Variants in TTL observed in about 807,000 individuals in gnomAD.
The protein encoded by TTL is tubulin--tyrosine ligase.
A neutral mutation model predicts 41.1 loss-of-function variants in TTL; 10 were observed. The observed-to-expected ratio is 0.24, with a 90% CI of 0.15 to 0.41. The LOEUF is 0.41. Among genes scored for constraint, TTL ranks in the 10% least tolerant of loss-of-function variants. The probability of loss-of-function intolerance (pLI) is 1.00; values close to 1 mark genes in which losing one functional copy is unlikely to be tolerated. For synonymous variants in TTL, 175 were observed against 175.5 expected, an observed-to-expected ratio of 1.00 and a Z score of 0.02; for missense variants, 367 against 460.4, an observed-to-expected ratio of 0.80 and a Z score of 1.86.
rs1339860572 is a variant in TTL at position 112,482,536 on chromosome 2, G to A, written c.157+35G>A. 5.1e-6 allele frequency: 8 copies of A among 1,564,488 alleles called. No homozygotes were observed. The Admixed American group carries it at 5.4e-5, about 11-fold the overall frequency. ...TCCCCGATTCCCGTCTGCCCTCCTCGGAGCGGCCCTGCGCGCCTCCCGCGG... is the reference window on the plus strand; with the variant it reads ...TCCCCGATTCCCGTCTGCCCTCCTCAGAGCGGCCCTGCGCGCCTCCCGCGG... On this transcript the variant is annotated intron_variant, in intron 1 of 6. Transcript: ENST00000233336. The surrounding 1 kb of genome is among the most constrained non-coding windows in gnomAD (Gnocchi z 5.3).
intron 2 of TTL, 94 bp from the exon 3 acceptor site, chr2:112,494,049 C>T (rs1681462250): frequency 3.3e-6 from 3 of 904,728 alleles, no homozygotes; most frequent in African/African-American, 3.3e-5. Context: ...TGCTTTGCCT[C>T]CCGGAAAGTC....
rs1313704959 is a variant in TTL at position 112,482,786 on chromosome 2, G to T, written c.157+285G>T. On this transcript the variant is annotated intron_variant, in intron 1 of 6. Coordinates refer to ENST00000233336, the MANE Select transcript of TTL (RefSeq NM_153712.5). The surrounding 1 kb of genome is among the most constrained non-coding windows in gnomAD (Gnocchi z 5.3). ...CAGCCCGGGAGACGCTGGCCGCCGG[G>T]GCTGGGACCTGAGGCGCGAGTCTAG... 6.6e-6 allele frequency among the ~76,000 whole-genome samples: 1 copy of T among 152,250 alleles called. No individual in the cohort carries two copies. Among genetic ancestry groups the T allele is most frequent in the African/African-American group, 2.4e-5 (1 of 41,474 alleles).
chr2:112,532,053 A>G lies in TTL; in HGVS notation c.*3258A>G, dbSNP rs1682521140. On this transcript the variant is annotated 3_prime_UTR_variant, in exon 7 of 7. Coordinates refer to ENST00000233336, the MANE Select transcript of TTL (RefSeq NM_153712.5). ...GGTGCTGACATAGGTACCAGCTGAC[A>G]TGATGTGTCACTAGCTCTGTGGGAT... 2 of 228,178 alleles carry G rather than the reference A, an allele frequency of 8.8e-6. No individual in the cohort carries two copies. Among genetic ancestry groups the G allele is most frequent in the African/African-American group, 4.4e-5 (2 of 45,158 alleles). The allele number at this position is 228,178 out of a possible 1,614,324, so 14.1% of individuals were successfully genotyped here.
In TTL at chr2:112,535,328, A is replaced by G. The variant is rs1472649926; in HGVS notation, c.*6533A>G. 6.6e-6 allele frequency: 1 copy of G among 152,152 alleles called. No individual in the cohort carries two copies. Among genetic ancestry groups the G allele is most frequent in the Admixed American group, 6.6e-5 (1 of 15,266 alleles). 9.4% of individuals were successfully genotyped at this position (152,152 alleles called of 1,614,324 possible). A position where few individuals can be genotyped will look rare whatever the true frequency, so the allele number is the denominator to read the frequency against. ...CCGTCAGACACCATCAAACATACCA[A>G]CATACACATAATAGGAGTCCTAGAA... On this transcript the variant is annotated 3_prime_UTR_variant, in exon 7 of 7. Coordinates refer to ENST00000233336, the MANE Select transcript of TTL (RefSeq NM_153712.5).
In TTL at chr2:112,537,893, C is replaced by T. The variant is rs1015976327; in HGVS notation, c.*9098C>T. The stretch of plus-strand genomic sequence containing the variant: ...ACTTGACAAATATCTACAAGGCACT[C>T]CACCCAACAGCAGCAAAATACACAT... On this transcript the variant is annotated 3_prime_UTR_variant, in exon 7 of 7. Transcript: ENST00000233336. 3 of 152,300 alleles carry T rather than the reference C, an allele frequency of 2.0e-5. No individual in the cohort carries two copies. Among genetic ancestry groups the T allele is most frequent in the Non-Finnish European group, 2.9e-5 (2 of 68,044 alleles). 9.4% of individuals were successfully genotyped at this position (152,300 alleles called of 1,614,324 possible).
intron 5 of TTL, among the ~76,000 whole-genome samples, chr2:112,509,597 C>T (rs972080826): frequency 6.6e-6 from 1 of 152,128 alleles, no homozygotes; most frequent in African/African-American, 2.4e-5. Context: ...TCTGTCACCC[C>T]TTTCTTTGAC....
chr2:112,484,847 ATTCT>A (rs1197808594), intron 1 of TTL, among the ~76,000 whole-genome samples: 1 of 152,182 alleles, frequency 6.6e-6, no homozygotes, highest in Non-Finnish European at 1.5e-5. Context: ...CAGAGAAATT[ATTCT>A]TTCTTCTGGC....
intron 1 of TTL, 57 bp from the exon 2 acceptor site, chr2:112,485,860 C>T (rs1681226168): frequency 3.5e-6 from 5 of 1,440,890 alleles, no homozygotes; most frequent in Non-Finnish European, 9.4e-7. Context: ...ACACAGCTGT[C>T]CTCTCTCCTG....
Position 112,531,414 on chromosome 2 carries a change from GCCTGA to G in TTL, c.*2622_*2626del. 4.4e-6 allele frequency: 1 copy of G among 229,120 alleles called. No individual in the cohort carries two copies. The highest frequency in any genetic ancestry group is 8.7e-6 in the Non-Finnish European group (1 of 115,294). The allele number at this position is 229,120 out of a possible 1,614,324, so 14.2% of individuals were successfully genotyped here. A position where few individuals can be genotyped will look rare whatever the true frequency, so the allele number is the denominator to read the frequency against. On this transcript the variant is annotated 3_prime_UTR_variant, in exon 7 of 7. Transcript: ENST00000233336. Reference sequence around the variant, plus strand: ...TTCTTAGCCCATGAAAGAGATCATTGCCTGACCCAGGGACTACCTCAAGGGCTTTT... The same window carrying G: ...TTCTTAGCCCATGAAAGAGATCATTGCCCAGGGACTACCTCAAGGGCTTTT...
At position 112,494,424 on chromosome 2, in the gene TTL, G is replaced by T. The variant is rs754186254; in HGVS notation, c.469+49G>T. ...TCTCTATTCCTGGTAAGTTGCTATT[G>T]TGATGTATTTAGATGAATGACCCTA... On this transcript the variant is annotated intron_variant, in intron 3 of 6. Transcript: ENST00000233336. 11 of 1,443,616 alleles carry T rather than the reference G, an allele frequency of 7.6e-6. No individual in the cohort carries two copies. In the South Asian group the frequency reaches 9.8e-5, roughly 13 times the overall value. 89.4% of individuals were successfully genotyped at this position (1,443,616 alleles called of 1,614,324 possible).
intron 2 of TTL, 126 bp downstream of exon 2, chr2:112,486,121 C>T: frequency 1.1e-6 from 1 of 918,712 alleles, no homozygotes; most frequent in East Asian, 2.7e-5. Flanking sequence ...TCAGAAGCTT[C>T]CTCTAAGCCG....
chr2:112,520,509 TTGAC>T, intron 6 of TTL, 84 bp downstream of exon 6: 1 of 1,540,986 alleles, frequency 6.5e-7, no homozygotes, highest in Non-Finnish European at 8.8e-7. Context: ...TGTAGTCACT[TTGAC>T]TGCTGTGAGG....
Position 112,529,484 on chromosome 2 carries a change from G to C in TTL, c.*689G>C, listed in dbSNP as rs1422701189. On this transcript the variant is annotated 3_prime_UTR_variant, in exon 7 of 7. Transcript: ENST00000233336. ...CTGTAAGCATCAAATAAGCATGAGA[G>C]AGAAAAAAACATGATATATTGCTTT... 2 of 227,770 alleles carry C rather than the reference G, an allele frequency of 8.8e-6. No individual in the cohort carries two copies. Among genetic ancestry groups the C allele is most frequent in the African/African-American group, 4.4e-5 (2 of 45,078 alleles). The allele number at this position is 227,770 out of a possible 1,614,324, so 14.1% of individuals were successfully genotyped here.
intron 5 of TTL, among the ~76,000 whole-genome samples, chr2:112,518,955 G>A (rs56010201): frequency 0.41 from 61,945 of 151,848 alleles, 12,881 homozygotes; most frequent in East Asian, 0.58. Flanking sequence ...GATTATAGGC[G>A]TGAGCCACCG....
At chr2:112,521,251 T>G (rs1383864845) in intron 6 of TTL, 1 of 985,130 alleles carries the variant, frequency 1.0e-6, no homozygotes, top group African/African-American at 1.7e-5. Flanking sequence ...GAACAGAAGC[T>G]CCTGAGAACC....
intron 6 of TTL, among the ~76,000 whole-genome samples, chr2:112,524,801 C>G (rs1682330165): frequency 6.6e-6 from 1 of 152,106 alleles, no homozygotes; most frequent in Non-Finnish European, 1.5e-5. Flanking sequence ...TTAATTAGAT[C>G]CCATTTGTCA....
intron 2 of TTL, among the ~76,000 whole-genome samples, chr2:112,491,194 C>A (rs980441360): frequency 6.6e-6 from 1 of 151,894 alleles, no homozygotes; most frequent in African/African-American, 2.4e-5. Context: ...GGTTTCACCG[C>A]GTTAGCCAGG....
Position 112,496,665 on chromosome 2 carries a change from C to CTGTGTGTG in TTL, c.469+2326_469+2333dup, listed in dbSNP as rs10635241. Among the ~76,000 whole-genome samples, 135 of 106,044 alleles carry CTGTGTGTG rather than the reference C, an allele frequency of 1.3e-3. 1 individual carries two copies. Among genetic ancestry groups the CTGTGTGTG allele is most frequent in the East Asian group, 3.2e-3 (12 of 3,710 alleles). 69.6% of individuals were successfully genotyped at this position (106,044 alleles called of 152,430 possible). ...TTTTTTATTTTATATATATATGTGT[C>CTGTGTGTG]TGTGTGTGTGTGTGTGTGTGTGTGT... On this transcript the variant is annotated intron_variant, in intron 3 of 6. Transcript: ENST00000233336.
chr2:112,528,643 T>G, intron 6 of TTL, 38 bp from the exon 7 acceptor site: 1 of 1,547,406 alleles, frequency 6.5e-7, no homozygotes, highest in Non-Finnish European at 8.9e-7. Flanking sequence ...TGTACTTTGA[T>G]GAACATCCTC....
Sources: gnomAD v4.1 joint callset for allele counts (sites outside exome capture counted in the v4.1 genomes callset) on GRCh38, gnomAD v4.1.1 for gene constraint, Gnocchi (gnomAD v3.1) non-coding constraint, MANE v1.5 for transcripts, NCBI Gene and HGNC (gene_info 2026-07-23, HGNC 2026-07-21) for gene names.